Variants in MAML2 observed in about 807,000 individuals in gnomAD.
The protein encoded by MAML2 is mastermind like transcriptional coactivator 2.
MAML2 carries 22 observed loss-of-function variants against 96.1 expected under a neutral mutation model. That is an observed-to-expected ratio of 0.23 (90% confidence interval 0.16 to 0.33). The LOEUF (loss-of-function observed/expected upper bound fraction) is 0.33. Ranked by LOEUF, MAML2 falls within the 10% of genes least tolerant of loss-of-function variation. The pLI is 1.00. For missense variants in MAML2, 1,367 were observed against 1,392.4 expected (o/e 0.98, Z 0.29); for synonymous variants, 561 against 521.3 (o/e 1.08, Z -1.04).
chr11:96,159,944 A>C (rs561245353), intron 1 of MAML2, among the ~76,000 whole-genome samples: 9 of 152,374 alleles, frequency 5.9e-5, no homozygotes, highest in African/African-American at 2.2e-4. Flanking sequence ...TACTTTATTT[A>C]GAGTAATATC....
At chr11:96,320,384 T>C (rs1473621294) in intron 1 of MAML2, among the ~76,000 whole-genome samples, 1 of 152,178 alleles carries the variant, frequency 6.6e-6, no homozygotes, top group East Asian at 1.9e-4. Flanking sequence ...GACTAAAGAA[T>C]ATAATTTTGA....
At chr11:96,270,819 T>C (rs549961671) in intron 1 of MAML2, among the ~76,000 whole-genome samples, 161 of 152,332 alleles carry the variant, frequency 1.1e-3, no homozygotes, top group Non-Finnish European at 1.5e-3. Flanking sequence ...GTATTGTTCC[T>C]GGGTGTCTGT....
At chr11:96,119,623 C>A (rs1860301192) in intron 1 of MAML2, among the ~76,000 whole-genome samples, 1 of 152,224 alleles carries the variant, frequency 6.6e-6, no homozygotes, top group Non-Finnish European at 1.5e-5. Flanking sequence ...TAACGACTTG[C>A]TGAAATTCTC....
chr11:96,115,859 G>A (rs1051834202), intron 1 of MAML2, among the ~76,000 whole-genome samples: 1 of 152,164 alleles, frequency 6.6e-6, no homozygotes, highest in African/African-American at 2.4e-5. Flanking sequence ...GCACTGAGAG[G>A]TGGAATGGAC....
At chr11:96,219,915 T>C (rs573763670) in intron 1 of MAML2, among the ~76,000 whole-genome samples, 138 of 152,276 alleles carry the variant, frequency 9.1e-4, no homozygotes, top group African/African-American at 3.1e-3. Flanking sequence ...TGAGCCAACA[T>C]ACTCAGCCAT....
intron 1 of MAML2, among the ~76,000 whole-genome samples, chr11:96,149,837 C>T (rs1860891613): frequency 6.6e-6 from 1 of 152,114 alleles, no homozygotes; most frequent in South Asian, 2.1e-4. Flanking sequence ...GTCTCCTTCT[C>T]CTTCTCTCTT....
chr11:96,259,487 T>C (rs972163805), intron 1 of MAML2, among the ~76,000 whole-genome samples: 1 of 152,182 alleles, frequency 6.6e-6, no homozygotes, highest in Non-Finnish European at 1.5e-5. Flanking sequence ...GAAGCATTTA[T>C]ACAGAGAGGT....
chr11:96,010,255 A>G (rs530311154), intron 2 of MAML2, among the ~76,000 whole-genome samples: 2 of 152,356 alleles, frequency 1.3e-5, no homozygotes, highest in South Asian at 4.1e-4. Flanking sequence ...AAGTGTTTAC[A>G]AGTTATACAC....
At chr11:96,019,671 CTGATAATAATAATTATAATAATAATAA>C (rs773773777) in intron 2 of MAML2, among the ~76,000 whole-genome samples, 11 of 108,446 alleles carry the variant, frequency 1.0e-4, no homozygotes, top group Non-Finnish European at 1.6e-4. Flanking sequence ...CAGCCAAGGG[CTGATAATAATAATTATAATAATAATAA>C]TAATAATAAT....
intron 1 of MAML2, among the ~76,000 whole-genome samples, chr11:96,141,357 C>T (rs984788833): frequency 6.6e-6 from 1 of 151,914 alleles, no homozygotes; most frequent in Non-Finnish European, 1.5e-5. Flanking sequence ...CTACCAGGAC[C>T]CTTGACATCT....
At chr11:96,229,899 A>T (rs546987299) in intron 1 of MAML2, among the ~76,000 whole-genome samples, 1 of 152,238 alleles carries the variant, frequency 6.6e-6, no homozygotes, top group South Asian at 2.1e-4. Flanking sequence ...ACAGAAATCA[A>T]TTTGCAGTAT....
intron 1 of MAML2, among the ~76,000 whole-genome samples, chr11:96,323,959 A>G (rs1863742245): frequency 6.6e-6 from 1 of 152,262 alleles, no homozygotes; most frequent in Non-Finnish European, 1.5e-5. Context: ...GACGACTGGC[A>G]ACAGTCTCAA....
intron 2 of MAML2, among the ~76,000 whole-genome samples, chr11:96,076,945 T>C (rs1049953353): frequency 1.3e-5 from 2 of 151,954 alleles, no homozygotes; most frequent in Non-Finnish European, 2.9e-5. Context: ...TTCAGAAAAA[T>C]GAGAAACAAT....
At chr11:96,122,339 C>T (rs1224752365) in intron 1 of MAML2, among the ~76,000 whole-genome samples, 3 of 151,834 alleles carry the variant, frequency 2.0e-5, no homozygotes, top group African/African-American at 7.3e-5. Flanking sequence ...TCTCCAAACT[C>T]TTCTGCTCTC....
At chr11:96,268,189 A>G (rs61901927) in intron 1 of MAML2, among the ~76,000 whole-genome samples, 8,743 of 152,272 alleles carry the variant, frequency 0.057, 333 homozygotes, top group Non-Finnish European at 0.08. Context: ...CATCTTAAAA[A>G]GTAGGCTGGG....
At chr11:96,260,490 G>A (rs1417033822) in intron 1 of MAML2, among the ~76,000 whole-genome samples, 1 of 152,156 alleles carries the variant, frequency 6.6e-6, no homozygotes, top group East Asian at 1.9e-4. Context: ...CAATAAGATG[G>A]ACATCTGATA....
chr11:96,183,336 T>TA (rs35963599), intron 1 of MAML2, among the ~76,000 whole-genome samples: 2 of 150,842 alleles, frequency 1.3e-5, no homozygotes, highest in African/African-American at 2.4e-5. Context: ...TTAGATTTTT[T>TA]ATTTCTTTTT....
At chr11:96,241,766 T>C (rs993706166) in intron 1 of MAML2, among the ~76,000 whole-genome samples, 2 of 152,140 alleles carry the variant, frequency 1.3e-5, no homozygotes, top group African/African-American at 4.8e-5. Context: ...TGCAAACCAA[T>C]GGGCCCTTGG....
intron 2 of MAML2, among the ~76,000 whole-genome samples, chr11:96,047,555 C>T (rs765645456): frequency 7.2e-5 from 11 of 152,144 alleles, no homozygotes; most frequent in Non-Finnish European, 1.3e-4. Flanking sequence ...CTGATTACCT[C>T]TTTCTTCTTT....
Sources: allele counts gnomAD v4.1 joint callset (sites outside exome capture counted in the v4.1 genomes callset), GRCh38; gene constraint gnomAD v4.1.1; transcripts MANE v1.5; gene names NCBI Gene and HGNC (gene_info 2026-07-23, HGNC 2026-07-21).